The following ASB15 variants were observed in gnomAD, a reference collection of about 807,000 sequenced individuals.
ASB15 encodes the protein ankyrin repeat and SOCS box protein 15.
In ASB15, 54 loss-of-function variants were observed where a neutral mutation model predicts 58.0. The ratio of observed to expected loss-of-function variants is 0.93; its 90% confidence interval spans 0.75 to 1.17. The LOEUF (loss-of-function observed/expected upper bound fraction) is 1.17, where lower values mean the gene tolerates loss of function less well. ASB15 is among the 50% of genes most tolerant of loss of function. ASB15 has a pLI of 0.00. For missense variants in ASB15, 680 were observed against 707.4 expected (o/e 0.96, Z 0.44); for synonymous variants, 249 against 262.4 (o/e 0.95, Z 0.50).
chr7:123,600,605 T>C (rs1799844234), upstream of ASB15, among the ~76,000 whole-genome samples: 1 of 152,236 alleles, frequency 6.6e-6, no homozygotes, highest in Non-Finnish European at 1.5e-5. Flanking sequence ...TGATAAAATG[T>C]AGACAATGTA....
chr7:123,603,799 C>T (rs1472937042), intron 1 of ASB15, among the ~76,000 whole-genome samples: 2 of 152,060 alleles, frequency 1.3e-5, no homozygotes, highest in East Asian at 1.9e-4. Context: ...CAGAAAACAA[C>T]GTGGGGAAAA....
upstream of ASB15, chr7:123,598,863 G>C (rs535522954): frequency 1.3e-5 from 2 of 152,232 alleles, no homozygotes; most frequent in Non-Finnish European, 2.9e-5. Flanking sequence ...ATTCTTCCAG[G>C]GGCCTGTGAC....
upstream of ASB15, among the ~76,000 whole-genome samples, chr7:123,599,162 C>G (rs762977208): frequency 5.3e-5 from 8 of 151,892 alleles, no homozygotes; most frequent in Non-Finnish European, 1.0e-4. Flanking sequence ...CTGAAATATA[C>G]CAAAGTGAAA....
rs1237757963 is a variant in ASB15 at position 123,638,892 on chromosome 7, G to A, written c.*1911G>A. Reference sequence around the variant, plus strand: ...CCACTAGACTATAAGCTCTATGAGGGTAGGTTCTATGTTTGTTTTGTTTTC... The same window carrying A: ...CCACTAGACTATAAGCTCTATGAGGATAGGTTCTATGTTTGTTTTGTTTTC... On this transcript the variant is annotated 3_prime_UTR_variant, in exon 12 of 12. Transcript: ENST00000451215. 6.6e-6 allele frequency: 1 copy of A among 152,148 alleles called. No individual in the cohort carries two copies. Among genetic ancestry groups the A allele is most frequent in the Non-Finnish European group, 1.5e-5 (1 of 68,038 alleles). 9.4% of individuals were successfully genotyped at this position (152,148 alleles called of 1,614,324 possible).
Position 123,629,104 on chromosome 7 carries a change from G to A in ASB15, c.1110G>A (p.Leu370=), listed in dbSNP as rs1801983461. Reference sequence around the variant, plus strand: ...ACGTTCATTGCACAGAAGTCCTTCTGGCTGCAGGTGCAGACCCAAACTTAG... The same window carrying A: ...ACGTTCATTGCACAGAAGTCCTTCTAGCTGCAGGTGCAGACCCAAACTTAG... ...NNDVHCTEVL[L]AAGADPNLDP... The change falls in exon 10 of 12, where the codon CTG becomes CTA. Residue 370 remains leucine, a synonymous_variant. Coordinates refer to ENST00000451215, the MANE Select transcript of ASB15 (RefSeq NM_001290258.2). 6.2e-7 allele frequency: 1 copy of A among 1,613,988 alleles called. No homozygotes were observed.
intron 7 of ASB15, among the ~76,000 whole-genome samples, chr7:123,620,564 T>A (rs1801245223): frequency 3.2e-4 from 14 of 43,840 alleles, no homozygotes; most frequent in East Asian, 6.3e-4. Flanking sequence ...ATTTTTTTTT[T>A]TTTTTTTTTT....
chr7:123,570,419 C>T (rs984266710), intron 1 of ASB15, among the ~76,000 whole-genome samples: 4 of 152,072 alleles, frequency 2.6e-5, no homozygotes, highest in Non-Finnish European at 4.4e-5. Flanking sequence ...CTGTCCCTTC[C>T]ACCGAGAGTG....
At chr7:123,567,426 T>A (rs1798792837) in intron 1 of ASB15, among the ~76,000 whole-genome samples, 1 of 152,148 alleles carries the variant, frequency 6.6e-6, no homozygotes, top group Admixed American at 6.5e-5. Context: ...TTTACAAAAT[T>A]TGCTTTGTGA....
chr7:123,570,474 A>C lies in ASB15; in HGVS notation c.-443+3386A>C, dbSNP rs112096773. ...TAATATTCATGTGAGTAGCCATGTGATGCCTCCTTGAATGGCCTTTTCTTT... is the reference window on the plus strand; with the variant it reads ...TAATATTCATGTGAGTAGCCATGTGCTGCCTCCTTGAATGGCCTTTTCTTT... On this transcript the variant is annotated intron_variant, in intron 1 of 13. Coordinates refer to the ASB15 transcript ENST00000451558. Among the ~76,000 whole-genome samples the C allele has an allele frequency of 2.0e-5, 3 of 151,856 alleles. No individual in the cohort carries two copies. In the East Asian group the frequency reaches 5.9e-4, roughly 30 times the overall value.
At chr7:123,611,785 T>A (rs964897478) in intron 3 of ASB15, among the ~76,000 whole-genome samples, 1 of 152,200 alleles carries the variant, frequency 6.6e-6, no homozygotes, top group Non-Finnish European at 1.5e-5. Context: ...TTTGACTGAC[T>A]GTCTGGCACC....
At chr7:123,623,993 AAG>A (rs1204961832) in intron 7 of ASB15, among the ~76,000 whole-genome samples, 1 of 146,438 alleles carries the variant, frequency 6.8e-6, no homozygotes, top group South Asian at 2.2e-4. Context: ...GAAAGAAAGA[AAG>A]AGAAAGGAAA....
intron 11 of ASB15, among the ~76,000 whole-genome samples, chr7:123,631,661 A>T (rs1422888407): frequency 6.6e-6 from 1 of 152,200 alleles, no homozygotes; most frequent in East Asian, 1.9e-4. Flanking sequence ...GAAACCTCAG[A>T]GATCTAACCA....
intron 3 of ASB15, among the ~76,000 whole-genome samples, chr7:123,613,622 G>GT (rs1800599962): frequency 6.6e-6 from 1 of 152,178 alleles, no homozygotes; most frequent in Admixed American, 6.5e-5. Context: ...GTGTAAGGGA[G>GT]TGAATGGGGA....
chr7:123,576,795 C>T (rs1490075025), intron 1 of ASB15, among the ~76,000 whole-genome samples: 2 of 152,170 alleles, frequency 1.3e-5, no homozygotes, highest in Non-Finnish European at 2.9e-5. Context: ...AGATCTGCTG[C>T]CACTAGGTTT....
In ASB15 at chr7:123,629,364, C is replaced by G. The variant is rs780822240; in HGVS notation, c.1370C>G (p.Ser457Ter). ...DCMHGDIFGN[S>*]FVWSEIQEEV... ...ATGCATGGTGACATCTTTGGAAATTCATTTGTGTGGTCAGAGATACAGGAA... is the reference window on the plus strand; with the variant it reads ...ATGCATGGTGACATCTTTGGAAATTGATTTGTGTGGTCAGAGATACAGGAA... Residue 457 changes from serine to a stop codon, truncating the protein, a stop_gained, in exon 10 of 12, where the codon TCA becomes TGA. Transcript: ENST00000451215. LOFTEE classifies it high-confidence loss of function. 35 of 1,613,790 alleles carry G rather than the reference C, an allele frequency of 2.2e-5. No homozygotes were observed. Among genetic ancestry groups the G allele is most frequent in the Non-Finnish European group, 3.0e-5 (35 of 1,179,960 alleles).
chr7:123,571,544 G>A (rs805775), intron 1 of ASB15, among the ~76,000 whole-genome samples: 149,778 of 152,316 alleles, frequency 0.98, 73,698 homozygotes, highest in East Asian at 1. Flanking sequence ...CTTTTTATTT[G>A]TAGATAATAA....
intron 11 of ASB15, among the ~76,000 whole-genome samples, chr7:123,631,234 A>G (rs1187318715): frequency 2.6e-5 from 4 of 152,194 alleles, no homozygotes; most frequent in African/African-American, 4.8e-5. Context: ...TCCCATTGCA[A>G]AGTAGATGTA....
chr7:123,636,785 G>C, intron 11 of ASB15, 24 bp from the exon 12 acceptor site: 1 of 1,579,654 alleles, frequency 6.3e-7, no homozygotes, highest in East Asian at 2.2e-5. Flanking sequence ...AAATTTTTTT[G>C]CTTATTTTCC....
chr7:123,583,840 T>C (rs1200318837), intron 1 of ASB15, among the ~76,000 whole-genome samples: 2 of 151,886 alleles, frequency 1.3e-5, no homozygotes, highest in African/African-American at 4.8e-5. Context: ...GTTAGTGAGA[T>C]GATTCCACAA....
Sources: allele counts gnomAD v4.1 joint callset (sites outside exome capture counted in the v4.1 genomes callset), GRCh38; gene constraint gnomAD v4.1.1; transcripts MANE v1.5; gene names NCBI Gene and HGNC (gene_info 2026-07-23, HGNC 2026-07-21).